CAMK1D: variants seen among roughly 807,000 people sequenced by gnomAD.
CAMK1D encodes the protein calcium/calmodulin dependent protein kinase ID, also known as calcium/calmodulin-dependent protein kinase type 1D.
A neutral mutation model predicts 47.7 loss-of-function variants in CAMK1D; 9 were observed. The ratio of observed to expected loss-of-function variants is 0.19; its 90% CI spans 0.11 to 0.33. The LOEUF (loss-of-function observed/expected upper bound fraction) is 0.33. Among genes scored for constraint, CAMK1D ranks in the 10% least tolerant of loss-of-function variants. The pLI, the probability that CAMK1D is intolerant of heterozygous loss-of-function variation, is 1.00. For missense variants in CAMK1D, 291 were observed against 488.7 expected (o/e 0.60, Z 3.81); for synonymous variants, 184 against 184.9 (o/e 0.99, Z 0.04).
chr10:12,701,975 G>C (rs1244926534), intron 3 of CAMK1D, among the ~76,000 whole-genome samples: 1 of 152,238 alleles, frequency 6.6e-6, no homozygotes, highest in African/African-American at 2.4e-5. Context: ...GATCAGGTAT[G>C]TGGGGCAGAG....
intron 2 of CAMK1D, among the ~76,000 whole-genome samples, chr10:12,563,082 T>C (rs1051716409): frequency 6.6e-6 from 1 of 152,196 alleles, no homozygotes; most frequent in African/African-American, 2.4e-5. Flanking sequence ...AGCTCCACAA[T>C]CCACCATCTG....
At chr10:12,511,286 A>G (rs955463562) in intron 1 of CAMK1D, among the ~76,000 whole-genome samples, 1 of 152,068 alleles carries the variant, frequency 6.6e-6, no homozygotes, top group African/African-American at 2.4e-5. Flanking sequence ...GCAAATTGGA[A>G]TCTCCTGGGG....
intron 2 of CAMK1D, among the ~76,000 whole-genome samples, chr10:12,579,328 T>A (rs1445690265): frequency 6.6e-6 from 1 of 152,222 alleles, no homozygotes; most frequent in Non-Finnish European, 1.5e-5. Flanking sequence ...GAATCCTGTG[T>A]TGGGCCCCGT....
chr10:12,383,064 T>C (rs1395796471), intron 1 of CAMK1D, among the ~76,000 whole-genome samples: 1 of 152,124 alleles, frequency 6.6e-6, no homozygotes, highest in African/African-American at 2.4e-5. Context: ...CCCCTGCACT[T>C]CTCTCTATGT....
At chr10:12,751,875 C>A (rs1473695416) in intron 3 of CAMK1D, among the ~76,000 whole-genome samples, 1 of 152,030 alleles carries the variant, frequency 6.6e-6, no homozygotes, top group Non-Finnish European at 1.5e-5. Flanking sequence ...GCCGCTGAGA[C>A]TTCACCAACA....
At chr10:12,616,663 G>A (rs1448917300) in intron 2 of CAMK1D, among the ~76,000 whole-genome samples, 2 of 150,152 alleles carry the variant, frequency 1.3e-5, no homozygotes, top group Non-Finnish European at 3.0e-5. Context: ...GACTACAGGC[G>A]CCCGCCACTA....
chr10:12,385,699 T>G (rs1422219152), intron 1 of CAMK1D, among the ~76,000 whole-genome samples: 1 of 151,642 alleles, frequency 6.6e-6, no homozygotes, highest in Non-Finnish European at 1.5e-5. Flanking sequence ...TGATGGTCAT[T>G]ACACAGTTCT....
At chr10:12,480,902 A>G (rs756352857) in intron 1 of CAMK1D, among the ~76,000 whole-genome samples, 1 of 152,240 alleles carries the variant, frequency 6.6e-6, no homozygotes, top group Non-Finnish European at 1.5e-5. Context: ...AAAATAAGAC[A>G]GTGAAAGAGA....
chr10:12,492,764 GT>G (rs1455364312), intron 1 of CAMK1D, among the ~76,000 whole-genome samples: 1 of 152,214 alleles, frequency 6.6e-6, no homozygotes, highest in Non-Finnish European at 1.5e-5. Flanking sequence ...CAAGGAGTCA[GT>G]TGTGGGCTCC....
chr10:12,651,905 A>G (rs1175928361), intron 2 of CAMK1D, among the ~76,000 whole-genome samples: 1 of 151,746 alleles, frequency 6.6e-6, no homozygotes, highest in Non-Finnish European at 1.5e-5. Context: ...CAGCCTCCCA[A>G]GTAGCTGGGA....
chr10:12,614,965 A>C (rs1340266099), intron 2 of CAMK1D, among the ~76,000 whole-genome samples: 2 of 152,180 alleles, frequency 1.3e-5, no homozygotes, highest in African/African-American at 4.8e-5. Context: ...ATTACCAGCT[A>C]ATCAACTCAG....
chr10:12,818,993 A>T (rs766948), intron 8 of CAMK1D, among the ~76,000 whole-genome samples: 2,719 of 152,268 alleles, frequency 0.018, 78 homozygotes, highest in African/African-American at 0.06. Context: ...GACTTTTGAG[A>T]TTTATCTTAT....
chr10:12,398,098 A>T (rs1303990289), intron 1 of CAMK1D, among the ~76,000 whole-genome samples: 2 of 152,220 alleles, frequency 1.3e-5, no homozygotes, highest in African/African-American at 4.8e-5. Flanking sequence ...CAGTTACATC[A>T]TTATTTTAAG....
rs866279448 is a variant in CAMK1D, at chr10:12,593,942, C to T, written c.224+40586C>T. ...CTGTAATCTCAGCACTTTGGGAGGC[C>T]GAGGTGGGTGGATCACTTGAGGTCA... is the stretch of plus-strand genomic sequence containing the variant. On this transcript the variant is annotated intron_variant, in intron 2 of 10. Coordinates refer to ENST00000619168, the MANE Select transcript of CAMK1D (RefSeq NM_153498.4). Among the ~76,000 whole-genome samples the T allele has an allele frequency of 2.4e-4, 36 of 152,232 alleles. 1 individual carries two copies. In the Middle Eastern group the frequency reaches 0.017, roughly 72 times the overall value.
chr10:12,525,822 A>C (rs767223269), intron 1 of CAMK1D, among the ~76,000 whole-genome samples: 1 of 152,012 alleles, frequency 6.6e-6, no homozygotes, highest in South Asian at 2.1e-4. Flanking sequence ...TAGTGGCGTG[A>C]TCTCCGCTCA....
rs566272087 is a variant in CAMK1D at position 12,727,932 on chromosome 10, A to G, written c.300-33016A>G. Among the ~76,000 whole-genome samples, 53 of 152,000 alleles carry G rather than the reference A, an allele frequency of 3.5e-4. 2 individuals are homozygous for G. In the South Asian group the frequency reaches 0.011, roughly 32 times the overall value. On this transcript the variant is annotated intron_variant, in intron 3 of 10. Transcript: ENST00000619168. ...AGGCATGTGCCACTATGCCCAGCTG[A>G]TTTTTGTATTTTTAGTAGAGACGGG... is the stretch of plus-strand genomic sequence containing the variant.
chr10:12,632,379 C>T (rs1588712315), intron 2 of CAMK1D, among the ~76,000 whole-genome samples: 1 of 152,116 alleles, frequency 6.6e-6, no homozygotes, highest in Non-Finnish European at 1.5e-5. Flanking sequence ...AGTTGGAGAA[C>T]AGCAAGAGGG....
At chr10:12,568,177 C>CCCCCTCT (rs1837191301) in intron 2 of CAMK1D, among the ~76,000 whole-genome samples, 1 of 109,228 alleles carries the variant, frequency 9.2e-6, no homozygotes, top group Non-Finnish European at 1.9e-5. Context: ...TCCCTCCCTC[C>CCCCCTCT]CTCCCTCTCC....
At chr10:12,531,591 A>T (rs1437033156) in intron 1 of CAMK1D, among the ~76,000 whole-genome samples, 1 of 152,232 alleles carries the variant, frequency 6.6e-6, no homozygotes, top group Admixed American at 6.5e-5. Context: ...ATCACAGTGG[A>T]ACGGATCCAA....
Sources: gnomAD v4.1 joint callset for allele counts (sites outside exome capture counted in the v4.1 genomes callset) on GRCh38, gnomAD v4.1.1 for gene constraint, MANE v1.5 for transcripts, NCBI Gene and HGNC (gene_info 2026-07-23, HGNC 2026-07-21) for gene names.